The following MSRA variants were observed in gnomAD, a reference collection of about 807,000 sequenced individuals.
MSRA encodes the protein mitochondrial peptide methionine sulfoxide reductase.
A neutral mutation model predicts 31.3 loss-of-function variants in MSRA; 54 were observed. The ratio of observed to expected loss-of-function variants is 1.73; its 90% CI spans 1.39 to 2.17. The LOEUF (loss-of-function observed/expected upper bound fraction) is 2.17. Among genes scored for constraint, MSRA ranks in the 30% most tolerant of loss-of-function variants. The pLI, the probability that MSRA is intolerant of heterozygous loss-of-function variation, is 0.00. For missense variants in MSRA, 507 were observed against 300.9 expected (o/e 1.69, Z -5.07); for synonymous variants, 169 against 116.5 (o/e 1.45, Z -2.90).
chr8:10,367,761 T>C (rs1178192780), intron 5 of MSRA, among the ~76,000 whole-genome samples: 1 of 152,214 alleles, frequency 6.6e-6, no homozygotes. Flanking sequence ...TGTGTTGTGC[T>C]CAGCACTGGA....
At chr8:10,427,868 A>G (rs573748357) in intron 5 of MSRA, among the ~76,000 whole-genome samples, 6 of 152,294 alleles carry the variant, frequency 3.9e-5, no homozygotes, top group East Asian at 3.9e-4. Flanking sequence ...GGCCCCCAAC[A>G]TGCACTTGGG....
In MSRA at chr8:10,320,005, C is replaced by T; in HGVS notation, c.543+16C>T. On this transcript the variant is annotated intron_variant, in intron 5 of 5. Transcript: ENST00000317173. ...CTACCAAAAGGTAGGGATTGCTGGG[C>T]TCCTAGCCCCTGGCTTAGGCCACCA... The T allele has an allele frequency of 6.4e-7, 1 of 1,563,586 alleles. No homozygotes were observed. The highest frequency in any genetic ancestry group is 8.7e-7 in the Non-Finnish European group (1 of 1,146,240).
rs566496968 is a variant in MSRA at position 10,074,329 on chromosome 8, G to A, written c.142+19671G>A. Among the ~76,000 whole-genome samples the A allele has an allele frequency of 9.9e-5, 15 of 151,974 alleles. No individual in the cohort carries two copies. In the South Asian group the frequency reaches 2.9e-3, roughly 29 times the overall value. On this transcript the variant is annotated intron_variant, in intron 1 of 5. Transcript: ENST00000317173. ...GATCTCCTGACCTCGTGATCTGCCT[G>A]CCTCGGCCTCCCAAAGTGCTGGGAT...
intron 5 of MSRA, among the ~76,000 whole-genome samples, chr8:10,419,182 G>A (rs961882666): frequency 1.3e-5 from 2 of 152,152 alleles, no homozygotes; most frequent in South Asian, 4.1e-4. Flanking sequence ...GGTTCTTGTG[G>A]ATTTGTATCA....
intron 2 of MSRA, among the ~76,000 whole-genome samples, chr8:10,234,517 G>T (rs1316616256): frequency 6.6e-6 from 1 of 151,914 alleles, no homozygotes; most frequent in Non-Finnish European, 1.5e-5. Flanking sequence ...AAGACTAATA[G>T]GAGAGAGAAA....
chr8:10,353,940 G>T, intron 5 of MSRA: 1 of 199,384 alleles, frequency 5.0e-6, no homozygotes, highest in Non-Finnish European at 1.0e-5. Context: ...TGGAAGGAAA[G>T]CAGTGTTGTC....
rs373144905 is a variant in MSRA at position 10,054,614 on chromosome 8, C to T, written c.98C>T (p.Pro33Leu). The change falls in exon 1 of 6, where the codon CCC becomes CTC. Residue 33 changes from proline (P) to leucine (L), a missense_variant. Transcript: ENST00000317173. ...AACTCGGCCTCGAACATCGTCAGCC[C>T]CCAGGAGGCCTTGCCGGGCCGGAAG... ...MGNSASNIVS[P>L]QEALPGRKEQ... 4.4e-6 allele frequency: 7 copies of T among 1,577,656 alleles called. No homozygotes were observed. In the Admixed American group the frequency reaches 5.4e-5, roughly 12 times the overall value.
At chr8:10,299,086 T>G (rs1046536122) in intron 3 of MSRA, among the ~76,000 whole-genome samples, 3 of 152,182 alleles carry the variant, frequency 2.0e-5, no homozygotes, top group Non-Finnish European at 4.4e-5. Context: ...TTAAATATGA[T>G]AAGAGATAAT....
chr8:10,337,650 T>A, intron 5 of MSRA: 1 of 689,972 alleles, frequency 1.4e-6, no homozygotes, highest in Non-Finnish European at 2.6e-6. Context: ...TTTTCCTTGA[T>A]AGTGTCATCC....
At chr8:10,206,663 T>G (rs760891097) in intron 1 of MSRA, among the ~76,000 whole-genome samples, 1 of 152,206 alleles carries the variant, frequency 6.6e-6, no homozygotes, top group Non-Finnish European at 1.5e-5. Context: ...CTCTCACCCT[T>G]GCCTTTGCAA....
At chr8:10,129,217 C>G (rs1439892756) in intron 1 of MSRA, among the ~76,000 whole-genome samples, 1 of 151,998 alleles carries the variant, frequency 6.6e-6, no homozygotes, top group Non-Finnish European at 1.5e-5. Flanking sequence ...TCTTGGTCAC[C>G]CCTGGACATG....
At chr8:10,122,192 T>A (rs947700377) in intron 1 of MSRA, among the ~76,000 whole-genome samples, 1 of 152,114 alleles carries the variant, frequency 6.6e-6, no homozygotes, top group African/African-American at 2.4e-5. Context: ...CCATGAGAAT[T>A]GATGTACATG....
chr8:10,136,688 G>T (rs1201678846), intron 1 of MSRA, among the ~76,000 whole-genome samples: 1 of 152,246 alleles, frequency 6.6e-6, no homozygotes, highest in Non-Finnish European at 1.5e-5. Flanking sequence ...TTCTGCAGTA[G>T]CATCATCACA....
chr8:10,307,544 G>C (rs1801207701), intron 4 of MSRA, among the ~76,000 whole-genome samples: 2 of 152,174 alleles, frequency 1.3e-5, no homozygotes. Flanking sequence ...ATATTAAAAT[G>C]CTACCATGGA....
intron 1 of MSRA, among the ~76,000 whole-genome samples, chr8:10,067,452 C>G (rs1357699844): frequency 6.6e-6 from 1 of 152,142 alleles, no homozygotes; most frequent in African/African-American, 2.4e-5. Flanking sequence ...ACATGGGGAT[C>G]TATAATTGTT....
chr8:10,067,233 CTT>C, intron 1 of MSRA, among the ~76,000 whole-genome samples: 1 of 152,246 alleles, frequency 6.6e-6, no homozygotes, highest in Non-Finnish European at 1.5e-5. Flanking sequence ...TCTCCATAGT[CTT>C]TGCTTTTTCC....
At chr8:10,397,711 C>G (rs950772472) in intron 5 of MSRA, among the ~76,000 whole-genome samples, 1 of 152,226 alleles carries the variant, frequency 6.6e-6, no homozygotes, top group South Asian at 2.1e-4. Flanking sequence ...CTCATGCTCT[C>G]AAATTCCATG....
At chr8:10,136,251 C>A (rs776536918) in intron 1 of MSRA, among the ~76,000 whole-genome samples, 4 of 152,198 alleles carry the variant, frequency 2.6e-5, no homozygotes, top group African/African-American at 4.8e-5. Flanking sequence ...GGCATTCAGC[C>A]ACATGGTAGA....
intron 1 of MSRA, among the ~76,000 whole-genome samples, chr8:10,169,917 C>CTTTT (rs71538069): frequency 1.6e-4 from 21 of 131,936 alleles, no homozygotes; most frequent in African/African-American, 4.8e-4. Flanking sequence ...TTCTTTCTTT[C>CTTTT]TTTTTTTTTT....
Sources: gnomAD v4.1 joint callset for allele counts (sites outside exome capture counted in the v4.1 genomes callset) on GRCh38, gnomAD v4.1.1 for gene constraint, MANE v1.5 for transcripts, NCBI Gene and HGNC (gene_info 2026-07-23, HGNC 2026-07-21) for gene names.